Variants in SEZ6L observed in about 807,000 individuals in gnomAD.
The protein encoded by SEZ6L is seizure 6-like protein.
In SEZ6L, 37 loss-of-function variants were observed where a neutral mutation model predicts 106.2. The observed-to-expected ratio is 0.35, with a 90% CI of 0.27 to 0.46. The LOEUF (loss-of-function observed/expected upper bound fraction) is 0.46. Ranked by LOEUF, SEZ6L falls within the 20% of genes least tolerant of loss-of-function variation. SEZ6L has a pLI of 1.00. For synonymous variants in SEZ6L, 541 were observed against 570.4 expected (o/e 0.95, Z 0.73); for missense variants, 1,172 against 1,332.8 (o/e 0.88, Z 1.88).
chr22:26,190,630 G>A (rs1444308968), intron 1 of SEZ6L, among the ~76,000 whole-genome samples: 2 of 152,124 alleles, frequency 1.3e-5, no homozygotes, highest in Non-Finnish European at 2.9e-5. Context: ...CTTGGTTCAT[G>A]TGCTCATCTT....
intron 1 of SEZ6L, among the ~76,000 whole-genome samples, chr22:26,205,366 T>G (rs1439657194): frequency 1.3e-5 from 2 of 152,240 alleles, no homozygotes; most frequent in Non-Finnish European, 2.9e-5. Context: ...TCTGAATTCC[T>G]CACCTAAAAT....
In SEZ6L at chr22:26,369,364, GAT is replaced by G. The variant is rs2083936184; in HGVS notation, c.2794+3799_2794+3800del. Among the ~76,000 whole-genome samples the G allele has an allele frequency of 1.3e-4, 5 of 38,770 alleles. 2 individuals are homozygous for G. Among genetic ancestry groups the G allele is most frequent in the Non-Finnish European group, 2.2e-4 (5 of 22,436 alleles). The allele number at this position is 38,770 out of a possible 152,430, so 25.4% of individuals were successfully genotyped here. On this transcript the variant is annotated intron_variant, in intron 13 of 16. Coordinates refer to ENST00000248933, the MANE Select transcript of SEZ6L (RefSeq NM_021115.5). ...TTCTTTTGTTTTTTTTTTTGAGACA[GAT>G]TCTCGCTCTGTCCCCCAGGCTGGAG... is the stretch of plus-strand genomic sequence containing the variant.
chr22:26,354,941 C>T (rs1428673015), intron 12 of SEZ6L, among the ~76,000 whole-genome samples: 1 of 152,208 alleles, frequency 6.6e-6, no homozygotes, highest in African/African-American at 2.4e-5. Context: ...GTGGTGGCAG[C>T]GACGTGACAA....
At chr22:26,289,371 C>A (rs569003741) in intron 1 of SEZ6L, among the ~76,000 whole-genome samples, 2 of 152,210 alleles carry the variant, frequency 1.3e-5, no homozygotes, top group African/African-American at 4.8e-5. Flanking sequence ...GGCAGATCCA[C>A]GTCTGGTCTA....
At chr22:26,328,232 A>G (rs2082379931) in intron 9 of SEZ6L, among the ~76,000 whole-genome samples, 3 of 152,196 alleles carry the variant, frequency 2.0e-5, no homozygotes, top group Admixed American at 2.0e-4. Flanking sequence ...AGTGCCCTTT[A>G]CTGAGGTCTC....
intron 1 of SEZ6L, among the ~76,000 whole-genome samples, chr22:26,283,463 G>A (rs2080837935): frequency 6.6e-6 from 1 of 152,166 alleles, no homozygotes; most frequent in Non-Finnish European, 1.5e-5. Flanking sequence ...GTTGGTGGTA[G>A]AATACTAATG....
intron 1 of SEZ6L, among the ~76,000 whole-genome samples, chr22:26,190,673 A>G (rs1158775807): frequency 6.6e-6 from 1 of 152,126 alleles, no homozygotes; most frequent in Non-Finnish European, 1.5e-5. Flanking sequence ...ACCATGTAGG[A>G]CCCTGATTGG....
At chr22:26,250,025 TG>T (rs1227627855) in intron 1 of SEZ6L, among the ~76,000 whole-genome samples, 6 of 152,204 alleles carry the variant, frequency 3.9e-5, no homozygotes. Flanking sequence ...TTATTTGTTT[TG>T]TTGCTGTTGA....
chr22:26,306,385 A>G (rs1207121741), intron 6 of SEZ6L, among the ~76,000 whole-genome samples: 1 of 152,202 alleles, frequency 6.6e-6, no homozygotes, highest in Non-Finnish European at 1.5e-5. Flanking sequence ...AGGCTAGGGG[A>G]AGAGGCAAAA....
Position 26,340,629 on chromosome 22 carries a change from A to G in SEZ6L, c.2209A>G (p.Ile737Val). 9 of 1,611,174 alleles carry G rather than the reference A, an allele frequency of 5.6e-6. No homozygotes were observed. Among genetic ancestry groups the G allele is most frequent in the African/African-American group, 1.3e-5 (1 of 74,940 alleles). ...GKGQGFIMNY[I>V]EVSRNDSCSD... ...GGGCCAGGGATTTATCATGAACTAC[A>G]TAGGTAGGTGTCTCATCTGGTCAAT... The change falls in exon 10 of 17, where the codon ATA becomes GTA. Residue 737 changes from isoleucine to valine, a missense_variant. By Grantham distance (29) the Ile-to-Val change is conservative. This residue lies in a region of SEZ6L where 534 missense variants were observed against 691.0 expected (regional missense o/e 0.77). Transcript: ENST00000248933.
intron 1 of SEZ6L, among the ~76,000 whole-genome samples, chr22:26,229,189 G>T (rs2078724872): frequency 6.6e-6 from 1 of 152,088 alleles, no homozygotes; most frequent in Non-Finnish European, 1.5e-5. Flanking sequence ...TAGAGTCGGG[G>T]TTTCACCGTG....
intron 5 of SEZ6L, among the ~76,000 whole-genome samples, chr22:26,304,951 C>T (rs1601443253): frequency 1.3e-5 from 2 of 152,118 alleles, no homozygotes; most frequent in African/African-American, 2.4e-5. Flanking sequence ...TGTATGTACA[C>T]GAGCCTTGAT....
At chr22:26,334,484 T>C (rs1406515840) in intron 9 of SEZ6L, among the ~76,000 whole-genome samples, 1 of 152,218 alleles carries the variant, frequency 6.6e-6, no homozygotes, top group Non-Finnish European at 1.5e-5. Context: ...GGCTGAATAA[T>C]AACTCCGCTG....
Position 26,262,273 on chromosome 22 carries a change from T to TATCTATCTATC in SEZ6L, c.95-30132_95-30122dup, listed in dbSNP as rs1299969916. Among the ~76,000 whole-genome samples the TATCTATCTATC allele has an allele frequency of 2.0e-5, 3 of 151,548 alleles. No individual in the cohort carries two copies. The East Asian group carries it at 5.8e-4, about 29-fold the overall frequency. ...CTATCTATCTATCTATCTATCTATC[T>TATCTATCTATC]ATCTATCTATCTCTTTTAAAAAGAA... On this transcript the variant is annotated intron_variant, in intron 1 of 16. Coordinates refer to ENST00000248933, the MANE Select transcript of SEZ6L (RefSeq NM_021115.5).
At chr22:26,312,459 C>T (rs554506102) in intron 8 of SEZ6L, among the ~76,000 whole-genome samples, 2 of 152,262 alleles carry the variant, frequency 1.3e-5, no homozygotes, top group African/African-American at 4.8e-5. Flanking sequence ...AAGTGACCTG[C>T]CTAAGAACAC....
chr22:26,334,161 A>G (rs1005719446), intron 9 of SEZ6L, among the ~76,000 whole-genome samples: 5 of 152,204 alleles, frequency 3.3e-5, no homozygotes, highest in African/African-American at 1.2e-4. Context: ...CATATACAAT[A>G]TATATATCTA....
At position 26,310,848 on chromosome 22, in the gene SEZ6L, T is replaced by C; in HGVS notation, c.1681+12T>C. ...CATCCGATTTGAAGGTGAGGGTCCCTGGGAGCTTCCCTTTCTCTTGTGGGG... is the reference window on the plus strand; with the variant it reads ...CATCCGATTTGAAGGTGAGGGTCCCCGGGAGCTTCCCTTTCTCTTGTGGGG... On this transcript the variant is annotated intron_variant, in intron 7 of 16. Transcript: ENST00000248933. The C allele has an allele frequency of 6.2e-7, 1 of 1,612,656 alleles. No individual in the cohort carries two copies. Among genetic ancestry groups the C allele is most frequent in the African/African-American group, 1.3e-5 (1 of 75,022 alleles).
Position 26,281,475 on chromosome 22 carries a change from C to T in SEZ6L, c.95-10931C>T, listed in dbSNP as rs533753564. On this transcript the variant is annotated intron_variant, in intron 1 of 16. Coordinates refer to ENST00000248933, the MANE Select transcript of SEZ6L (RefSeq NM_021115.5). ...CTGCAAGCTCCGCCTCCCGGGTTCA[C>T]GCCATTCTCCTGCCTCAACCTCCCG... 9.9e-5 allele frequency among the ~76,000 whole-genome samples: 15 copies of T among 151,092 alleles called. 1 individual carries two copies. The highest frequency in any genetic ancestry group is 3.6e-4 in the African/African-American group (15 of 41,098).
intron 1 of SEZ6L, among the ~76,000 whole-genome samples, chr22:26,176,609 C>T (rs1349936727): frequency 6.6e-6 from 1 of 152,190 alleles, no homozygotes; most frequent in African/African-American, 2.4e-5. Context: ...CTGATTTTAA[C>T]AGTATGATCT....
Sources: gnomAD v4.1 joint callset for allele counts (sites outside exome capture counted in the v4.1 genomes callset) on GRCh38, gnomAD v4.1.1 for gene constraint, gnomAD v4.1.1 regional missense constraint, MANE v1.5 for transcripts, NCBI Gene and HGNC (gene_info 2026-07-23, HGNC 2026-07-21) for gene names.